GPRC6A: variants seen among roughly 807,000 people sequenced by gnomAD.
GPRC6A encodes the protein G protein-coupled receptor class C group 6 member A, also known as G protein-coupled receptor family C group 6 member A.
A neutral mutation model predicts 47.0 loss-of-function variants in GPRC6A; 54 were observed. The observed-to-expected ratio is 1.15, with a 90% CI of 0.92 to 1.44. GPRC6A has a LOEUF of 1.44. Among genes scored for constraint, GPRC6A ranks in the 40% most tolerant of loss-of-function variants. The probability of loss-of-function intolerance (pLI) is 0.00; values close to 1 mark genes in which losing one functional copy is unlikely to be tolerated. For missense variants in GPRC6A, 1,112 were observed against 1,105.5 expected, an observed-to-expected ratio of 1.01 and a Z score of -0.08; for synonymous variants, 347 against 377.1, an observed-to-expected ratio of 0.92 and a Z score of 0.93.
Position 116,819,008 on chromosome 6 carries a change from C to G in GPRC6A, c.195-9391G>C, listed in dbSNP as rs572539874. On this transcript the variant is annotated intron_variant, in intron 1 of 5. Coordinates refer to ENST00000310357, the MANE Select transcript of GPRC6A (RefSeq NM_148963.4). ...CATAGGCTCAAAATAAAAGGATGGA[C>G]GAAGATCTACCAAGCAAATGGAAAA... Among the ~76,000 whole-genome samples, 1,216 of 151,666 alleles carry G rather than the reference C, an allele frequency of 8.0e-3. 17 individuals are homozygous for G. Among genetic ancestry groups the G allele is most frequent in the African/African-American group, 0.028 (1,154 of 41,206 alleles).
chr6:116,792,291 C>T lies in GPRC6A; in HGVS notation c.2632G>A (p.Val878Ile), dbSNP rs774538908. Residue 878 changes from valine (V) to isoleucine (I), a missense_variant, in exon 6 of 6, where the codon GTC becomes ATC. Val to Ile is a conservative substitution (Grantham distance 29). Transcript: ENST00000310357. The stretch of plus-strand genomic sequence containing the variant: ...CTAGAGCTGGGATTGGTCATTGTGA[C>T]ATTGCCGCTCATGGAGTCCAGTGAA... ...PASLDSMSGN[V>I]TMTNPSSSGK... 2 of 1,613,918 alleles carry T rather than the reference C, an allele frequency of 1.2e-6. No individual in the cohort carries two copies. Among genetic ancestry groups the T allele is most frequent in the Admixed American group, 3.3e-5 (2 of 59,976 alleles).
intron 1 of GPRC6A, among the ~76,000 whole-genome samples, chr6:116,822,877 C>T (rs1276380518): frequency 8.3e-6 from 1 of 120,950 alleles, no homozygotes; most frequent in Admixed American, 8.6e-5. Flanking sequence ...AAAAAAGAAA[C>T]AATTACTAGT....
At chr6:116,800,478 G>T in intron 4 of GPRC6A, 106 bp downstream of exon 4, 1 of 744,028 alleles carries the variant, frequency 1.3e-6, no homozygotes, top group Non-Finnish European at 2.5e-6. Flanking sequence ...GATTAACAGG[G>T]ATTGTGTTTG....
At chr6:116,798,989 A>G (rs1050530178) in intron 4 of GPRC6A, among the ~76,000 whole-genome samples, 2 of 152,138 alleles carry the variant, frequency 1.3e-5, no homozygotes. Context: ...TGGAGTAGGT[A>G]GTAAAAAGTG....
rs568522655 is a variant in GPRC6A, at chr6:116,800,566, G to A, written c.1548+18C>T. 1.7e-4 allele frequency: 267 copies of A among 1,550,744 alleles called. 4 individuals carry two copies. The South Asian group carries it at 2.8e-3, about 16-fold the overall frequency. The stretch of plus-strand genomic sequence containing the variant: ...CCAATTGCTTTGAGTGCTACAAAAC[G>A]GCCTACAACAAGGTTACCTTAAGAT... On this transcript the variant is annotated intron_variant, in intron 4 of 5. Transcript: ENST00000310357.
At chr6:116,819,738 T>C (rs1370806674) in intron 1 of GPRC6A, among the ~76,000 whole-genome samples, 1 of 151,664 alleles carries the variant, frequency 6.6e-6, no homozygotes, top group Non-Finnish European at 1.5e-5. Context: ...TAGCACTAAA[T>C]GCCCACAAGA....
At chr6:116,803,353 TATC>T (rs1772736249) in intron 3 of GPRC6A, among the ~76,000 whole-genome samples, 1 of 152,184 alleles carries the variant, frequency 6.6e-6, no homozygotes, top group African/African-American at 2.4e-5. Context: ...ATGGAAAAAA[TATC>T]ATATCACTCT....
At chr6:116,795,352 A>AT (rs944203607) in intron 5 of GPRC6A, among the ~76,000 whole-genome samples, 119 of 151,970 alleles carry the variant, frequency 7.8e-4, no homozygotes, top group African/African-American at 2.6e-3. Flanking sequence ...ACTTATTTGT[A>AT]TTTTTTTTGT....
chr6:116,812,824 G>T (rs780323043), intron 1 of GPRC6A, among the ~76,000 whole-genome samples: 13 of 152,198 alleles, frequency 8.5e-5, no homozygotes, highest in Admixed American at 5.9e-4. Flanking sequence ...AATTGTCCCT[G>T]TTGGCAGATG....
intron 3 of GPRC6A, among the ~76,000 whole-genome samples, chr6:116,805,362 T>C (rs1772802611): frequency 6.9e-6 from 1 of 145,884 alleles, no homozygotes; most frequent in African/African-American, 2.5e-5. Flanking sequence ...GTGTTTAAAG[T>C]AAAAAAAAAA....
rs61748958 is a variant in GPRC6A, at chr6:116,809,587, A to G, written c.225T>C (p.Leu75=). The G allele has an allele frequency of 2.3e-4, 369 of 1,609,176 alleles. 2 individuals are homozygous for G. The African/African-American group carries it at 4.3e-3, about 19-fold the overall frequency. ...GFEISVFLQT[L]AMIHSIEMIN... is the part of the protein sequence containing the mutation. ...TCATCTCAATGCTGTGTATCATGGC[A>G]AGAGTTTGAAGAAAAACTGATATTT... Residue 75 remains leucine, a synonymous_variant, in exon 2 of 6, where the codon CTT becomes CTC. Transcript: ENST00000310357.
At chr6:116,812,796 T>A (rs1773070593) in intron 1 of GPRC6A, among the ~76,000 whole-genome samples, 1 of 152,162 alleles carries the variant, frequency 6.6e-6, no homozygotes, top group South Asian at 2.1e-4. Context: ...GGTATTCAAT[T>A]AGGAAATGAG....
At chr6:116,804,629 G>A (rs1317606676) in intron 3 of GPRC6A, among the ~76,000 whole-genome samples, 1 of 152,000 alleles carries the variant, frequency 6.6e-6, no homozygotes, top group Non-Finnish European at 1.5e-5. Context: ...AGATTAACAG[G>A]CTCTGAGGGC....
chr6:116,815,251 G>A (rs938444335), intron 1 of GPRC6A, among the ~76,000 whole-genome samples: 1 of 152,164 alleles, frequency 6.6e-6, no homozygotes, highest in Non-Finnish European at 1.5e-5. Context: ...GGGAGGCTGA[G>A]GCAGGTGGAT....
chr6:116,817,233 AC>A (rs1287712679), intron 1 of GPRC6A, among the ~76,000 whole-genome samples: 1 of 151,848 alleles, frequency 6.6e-6, no homozygotes, highest in Non-Finnish European at 1.5e-5. Context: ...CTGACCCCTG[AC>A]CCCCGAGCAG....
At chr6:116,802,714 A>T (rs1772714369) in intron 3 of GPRC6A, among the ~76,000 whole-genome samples, 1 of 152,082 alleles carries the variant, frequency 6.6e-6, no homozygotes, top group Non-Finnish European at 1.5e-5. Flanking sequence ...TTTCATTGCT[A>T]ACTGTGTGAA....
intron 1 of GPRC6A, among the ~76,000 whole-genome samples, chr6:116,815,851 C>T (rs1773187749): frequency 6.6e-6 from 1 of 152,210 alleles, no homozygotes; most frequent in Non-Finnish European, 1.5e-5. Flanking sequence ...TTAGTCCCTT[C>T]TCACATTGCT....
intron 4 of GPRC6A, among the ~76,000 whole-genome samples, chr6:116,799,030 A>T (rs1241217939): frequency 6.6e-6 from 1 of 152,038 alleles, no homozygotes; most frequent in Admixed American, 6.6e-5. Context: ...TGAAAGTAAA[A>T]CTCATTGGTT....
rs191632433 is a variant in GPRC6A, at chr6:116,792,954, A to G, written c.1969T>C (p.Phe657Leu). Residue 657 changes from phenylalanine to leucine, a missense_variant, in exon 6 of 6, where the codon TTC becomes CTC. Coordinates refer to ENST00000310357, the MANE Select transcript of GPRC6A (RefSeq NM_148963.4). The part of the protein sequence containing the change: ...TSFFIGEPQD[F>L]TCKTRQTMFG... ...ATTGTCTGCCTGGTTTTACATGTGAAGTCTTGTGGTTCTCCAATGAAAAAG... is the reference window on the plus strand; with the variant it reads ...ATTGTCTGCCTGGTTTTACATGTGAGGTCTTGTGGTTCTCCAATGAAAAAG... 2.7e-5 allele frequency: 44 copies of G among 1,614,110 alleles called. No individual in the cohort carries two copies. Among genetic ancestry groups the G allele is most frequent in the Middle Eastern group, 1.7e-4 (1 of 6,058 alleles).
Sources: gnomAD v4.1 joint callset for allele counts (sites outside exome capture counted in the v4.1 genomes callset) on GRCh38, gnomAD v4.1.1 for gene constraint, MANE v1.5 for transcripts, NCBI Gene and HGNC (gene_info 2026-07-23, HGNC 2026-07-21) for gene names.